Variants in PPP5C observed in about 807,000 individuals in gnomAD.
The protein encoded by PPP5C is protein phosphatase 5 catalytic subunit.
A neutral mutation model predicts 66.7 loss-of-function variants in PPP5C; 21 were observed. The observed-to-expected ratio is 0.31, with a 90% CI of 0.22 to 0.45. The LOEUF (loss-of-function observed/expected upper bound fraction) is 0.45. PPP5C is among the 20% of genes least tolerant of loss of function. The pLI, the probability that PPP5C is intolerant of heterozygous loss-of-function variation, is 1.00. For missense variants in PPP5C, 464 were observed against 675.9 expected, an observed-to-expected ratio of 0.69 and a Z score of 3.48; for synonymous variants, 246 against 257.4, an observed-to-expected ratio of 0.96 and a Z score of 0.43.
intron 2 of PPP5C, among the ~76,000 whole-genome samples, chr19:46,369,404 G>A (rs1406703306): frequency 1.3e-5 from 2 of 152,122 alleles, no homozygotes; most frequent in Non-Finnish European, 2.9e-5. Context: ...AGGCCGAGGC[G>A]GGTGGATCAC....
intron 3 of PPP5C, 89 bp downstream of exon 3, chr19:46,375,840 G>A: frequency 6.7e-7 from 1 of 1,491,722 alleles, no homozygotes; most frequent in Non-Finnish European, 9.0e-7. Context: ...GGGCTCAGGG[G>A]TGGCCCCTTG....
intron 2 of PPP5C, among the ~76,000 whole-genome samples, chr19:46,364,074 A>G (rs1439429379): frequency 6.6e-6 from 1 of 152,194 alleles, no homozygotes; most frequent in Non-Finnish European, 1.5e-5. Flanking sequence ...TGTTTTCCAT[A>G]AAGCAATTAA....
At chr19:46,365,783 C>A (rs768685644) in intron 2 of PPP5C, among the ~76,000 whole-genome samples, 15 of 152,134 alleles carry the variant, frequency 9.9e-5, no homozygotes, top group South Asian at 2.1e-4. Flanking sequence ...CTCTTTGAGG[C>A]AAGATGACTT....
chr19:46,360,733 C>G (rs1972369732), intron 2 of PPP5C, among the ~76,000 whole-genome samples: 1 of 152,158 alleles, frequency 6.6e-6, no homozygotes, highest in Admixed American at 6.5e-5. Flanking sequence ...GAACTAGCCT[C>G]AAGTGATCAG....
At chr19:46,386,803 G>A (rs897461477) in intron 7 of PPP5C, 11 of 478,974 alleles carry the variant, frequency 2.3e-5, no homozygotes, top group Admixed American at 3.3e-5. Flanking sequence ...TTTATAGAGA[G>A]GTCTCAGTAT....
intron 4 of PPP5C, chr19:46,381,499 C>T (rs766598197): frequency 7.2e-5 from 11 of 152,328 alleles, no homozygotes; most frequent in Middle Eastern, 3.4e-3. Flanking sequence ...GTAATCCTAG[C>T]ACTTTGGGAG....
chr19:46,381,380 A>C (rs187113775), intron 4 of PPP5C: 1 of 152,128 alleles, frequency 6.6e-6, no homozygotes, highest in African/African-American at 2.4e-5. Context: ...GTGTTTTACA[A>C]TTTTATTGTA....
At chr19:46,384,049 C>CCCAGGCT (rs1293687052) in intron 6 of PPP5C, 171 bp downstream of exon 6, 1 of 626,214 alleles carries the variant, frequency 1.6e-6, no homozygotes, top group African/African-American at 1.8e-5. Flanking sequence ...GGCCATGCAC[C>CCCAGGCT]CCAGGCTCCA....
At chr19:46,358,692 C>G (rs1431209583) in intron 2 of PPP5C, among the ~76,000 whole-genome samples, 1 of 152,118 alleles carries the variant, frequency 6.6e-6, no homozygotes, top group Non-Finnish European at 1.5e-5. Flanking sequence ...CAGATAAGCT[C>G]AAGCGTTTAA....
chr19:46,389,516 C>T (rs996720213), intron 11 of PPP5C, among the ~76,000 whole-genome samples: 1 of 150,920 alleles, frequency 6.6e-6, no homozygotes, highest in African/African-American at 2.5e-5. Flanking sequence ...CTCCTGGTCT[C>T]TCCTAAGTGT....
Position 46,390,578 on chromosome 19 carries a change from G to A in PPP5C, c.*232G>A. ...GGAAGGAGGTGGAGCAGCTGGGGCT[G>A]GGGGCACAGCCTGGGCATTCTGTGG... On this transcript the variant is annotated 3_prime_UTR_variant, in exon 13 of 13. Transcript: ENST00000012443. The A allele has an allele frequency of 7.2e-7, 1 of 1,394,078 alleles. No homozygotes were observed. The highest frequency in any genetic ancestry group is 1.5e-5 in the South Asian group (1 of 65,718). 86.4% of individuals were successfully genotyped at this position (1,394,078 alleles called of 1,614,324 possible). A position where few individuals can be genotyped will look rare whatever the true frequency, so the allele number is the denominator to read the frequency against.
At chr19:46,356,227 G>A (rs1328207520) in intron 2 of PPP5C, among the ~76,000 whole-genome samples, 1 of 152,192 alleles carries the variant, frequency 6.6e-6, no homozygotes, top group Non-Finnish European at 1.5e-5. Context: ...TTTCCCCATG[G>A]GGGCTCTCCC....
chr19:46,382,284 G>A (rs542358196), intron 4 of PPP5C: 1 of 152,232 alleles, frequency 6.6e-6, no homozygotes, highest in East Asian at 1.9e-4. Flanking sequence ...TGAAAGCTGT[G>A]GGCTCCTTCC....
intron 2 of PPP5C, among the ~76,000 whole-genome samples, chr19:46,358,705 A>C (rs763323310): frequency 4.6e-5 from 7 of 152,190 alleles, no homozygotes; most frequent in Non-Finnish European, 1.0e-4. Context: ...GCGTTTAAAG[A>C]CAAAAGGATA....
At position 46,375,615 on chromosome 19, in the gene PPP5C, G is replaced by T; in HGVS notation, c.375G>T (p.Val125=). 6.2e-7 allele frequency: 1 copy of T among 1,614,058 alleles called. No individual in the cohort carries two copies. Among genetic ancestry groups the T allele is most frequent in the South Asian group, 1.1e-5 (1 of 91,076 alleles). The change falls in exon 3 of 13, where the codon GTG becomes GTT. Residue 125 remains valine (V), a synonymous_variant. Transcript: ENST00000012443. The stretch of plus-strand genomic sequence containing the variant: ...TCCCTCCCACCCAGGTGGTCAAGGT[G>T]AAGCCCCATGACAAGGATGCCAAAA... ...ALRDYETVVK[V]KPHDKDAKMK...
chr19:46,386,817 G>GC (rs1972896902), intron 7 of PPP5C: 1 of 524,326 alleles, frequency 1.9e-6, no homozygotes, highest in Non-Finnish European at 3.5e-6. Context: ...TCAGTATATT[G>GC]CCCAGGCTGG....
Position 46,376,303 on chromosome 19 carries a change from C to A in PPP5C, c.512-150C>A. The A allele has an allele frequency of 2.0e-6, 2 of 1,018,498 alleles. No individual in the cohort carries two copies. Among genetic ancestry groups the A allele is most frequent in the Non-Finnish European group, 2.8e-6 (2 of 704,118 alleles). The allele number at this position is 1,018,498 out of a possible 1,614,324, so 63.1% of individuals were successfully genotyped here. A position where few individuals can be genotyped will look rare whatever the true frequency, so the allele number is the denominator to read the frequency against. On this transcript the variant is annotated intron_variant, in intron 3 of 12. Coordinates refer to ENST00000012443, the MANE Select transcript of PPP5C (RefSeq NM_006247.4). This position sits in a 1 kb window ranked among gnomAD's most constrained non-coding sequence, Gnocchi z 5.1. ...TCAGGAAGAGGCCTCTGGGCCAGAC[C>A]TGACCCAGGAGGGGACTCTTCACTC...
intron 2 of PPP5C, among the ~76,000 whole-genome samples, chr19:46,363,334 A>C (rs1972430819): frequency 9.4e-4 from 121 of 128,400 alleles, no homozygotes; most frequent in African/African-American, 2.1e-3. Context: ...AAAAAAAAAA[A>C]AAAAAAAAAA....
intron 2 of PPP5C, among the ~76,000 whole-genome samples, chr19:46,363,998 G>A (rs1262142648): frequency 6.6e-6 from 1 of 152,172 alleles, no homozygotes; most frequent in Admixed American, 6.5e-5. Flanking sequence ...AAGGTGGCAA[G>A]AGGAAGGAGG....
Sources: gnomAD v4.1 joint callset for allele counts (sites outside exome capture counted in the v4.1 genomes callset) on GRCh38, gnomAD v4.1.1 for gene constraint, Gnocchi (gnomAD v3.1) non-coding constraint, MANE v1.5 for transcripts, NCBI Gene and HGNC (gene_info 2026-07-23, HGNC 2026-07-21) for gene names.